Variants in ROR1 observed in about 807,000 individuals in gnomAD.
ROR1 encodes the protein inactive tyrosine-protein kinase transmembrane receptor ROR1.
In ROR1, 19 loss-of-function variants were observed where a neutral mutation model predicts 78.8. The ratio of observed to expected loss-of-function variants is 0.24; its 90% confidence interval spans 0.17 to 0.35. The LOEUF is 0.35. ROR1 is among the 10% of genes least tolerant of loss of function. The pLI, the probability that ROR1 is intolerant of heterozygous loss-of-function variation, is 1.00. For missense variants in ROR1, 917 were observed against 1,177.8 expected, an observed-to-expected ratio of 0.78 and a Z score of 3.24; for synonymous variants, 386 against 433.6, an observed-to-expected ratio of 0.89 and a Z score of 1.36.
intron 4 of ROR1, among the ~76,000 whole-genome samples, chr1:64,057,445 A>G (rs1097106): frequency 0.61 from 92,997 of 152,104 alleles, 32,124 homozygotes; most frequent in East Asian, 0.91. Flanking sequence ...AAAATTGTGT[A>G]TGTATACATA....
At chr1:64,072,314 G>A (rs1376672751) in intron 4 of ROR1, among the ~76,000 whole-genome samples, 3 of 152,160 alleles carry the variant, frequency 2.0e-5, no homozygotes, top group South Asian at 2.1e-4. Context: ...AAGAGCTGCT[G>A]TGTGTAAATG....
chr1:64,083,267 G>A (rs1647118876), intron 4 of ROR1, among the ~76,000 whole-genome samples: 1 of 152,166 alleles, frequency 6.6e-6, no homozygotes, highest in Non-Finnish European at 1.5e-5. Flanking sequence ...AGGAACAGGT[G>A]ATAATCAGCG....
rs1268572918 is a variant in ROR1, at chr1:63,890,888, G to A, written c.91+116380G>A. Reference sequence around the variant, plus strand: ...TCTACGGCCATACCACGCTGAACATGCCCGTTCTCATCCAAATGTTGTATC... The same window carrying A: ...TCTACGGCCATACCACGCTGAACATACCCGTTCTCATCCAAATGTTGTATC... On this transcript the variant is annotated intron_variant, in intron 1 of 8. Coordinates refer to ENST00000371079, the MANE Select transcript of ROR1 (RefSeq NM_005012.4). Among the ~76,000 whole-genome samples, 5 of 152,180 alleles carry A rather than the reference G, an allele frequency of 3.3e-5. No individual in the cohort carries two copies. The South Asian group carries it at 6.2e-4, about 19-fold the overall frequency.
At chr1:63,928,233 A>G (rs957992246) in intron 1 of ROR1, among the ~76,000 whole-genome samples, 4 of 152,150 alleles carry the variant, frequency 2.6e-5, no homozygotes, top group African/African-American at 9.7e-5. Flanking sequence ...GAAAGCTCCA[A>G]CTGCAATGAG....
intron 8 of ROR1, among the ~76,000 whole-genome samples, chr1:64,172,538 A>G (rs962303296): frequency 1.4e-4 from 22 of 152,208 alleles, no homozygotes; most frequent in Non-Finnish European, 2.8e-4. Flanking sequence ...AACCGAGGCC[A>G]TCTTGTCCTT....
intron 8 of ROR1, among the ~76,000 whole-genome samples, chr1:64,164,696 C>T (rs1176449405): frequency 6.6e-6 from 1 of 151,880 alleles, no homozygotes; most frequent in African/African-American, 2.4e-5. Flanking sequence ...ATTTGATCAC[C>T]CAGGTATTAA....
chr1:64,102,679 A>G (rs17265929), intron 4 of ROR1, among the ~76,000 whole-genome samples: 20,627 of 152,226 alleles, frequency 0.14, 1,589 homozygotes, highest in African/African-American at 0.19. Context: ...TCAAAGCCAG[A>G]CAAGTAGGGT....
chr1:63,843,731 CAAG>C, intron 1 of ROR1: 1 of 444,354 alleles, frequency 2.3e-6, no homozygotes, highest in Non-Finnish European at 4.4e-6. Context: ...CCGCAGAAGA[CAAG>C]AGCACTGCAG....
intron 4 of ROR1, among the ~76,000 whole-genome samples, chr1:64,057,788 C>T (rs1366666210): frequency 6.6e-6 from 1 of 152,116 alleles, no homozygotes; most frequent in South Asian, 2.1e-4. Flanking sequence ...CTATATTGTT[C>T]TTTTTCAAGA....
chr1:63,779,112 A>T (rs1021512555), intron 1 of ROR1, among the ~76,000 whole-genome samples: 1 of 152,176 alleles, frequency 6.6e-6, no homozygotes, highest in African/African-American at 2.4e-5. Context: ...ACCTTGTTGG[A>T]TGGCCTGGAT....
At chr1:64,043,846 T>C (rs948259221) in intron 2 of ROR1, among the ~76,000 whole-genome samples, 2 of 152,166 alleles carry the variant, frequency 1.3e-5, no homozygotes, top group African/African-American at 4.8e-5. Context: ...ATGTGGTCAG[T>C]TTTAGAGTCT....
At chr1:63,989,297 T>C (rs1418738361) in intron 1 of ROR1, among the ~76,000 whole-genome samples, 1 of 152,050 alleles carries the variant, frequency 6.6e-6, no homozygotes, top group Non-Finnish European at 1.5e-5. Flanking sequence ...GAGGGGTTTT[T>C]TTGGAAAATG....
At chr1:64,147,895 T>C (rs527459420) in intron 7 of ROR1, among the ~76,000 whole-genome samples, 1 of 152,136 alleles carries the variant, frequency 6.6e-6, no homozygotes, top group Non-Finnish European at 1.5e-5. Flanking sequence ...ATTTTGGTTA[T>C]CACAAGTGGG....
At position 64,179,196 on chromosome 1, in the gene ROR1, G is replaced by T. The variant is rs1650484831; in HGVS notation, c.*341G>T. The T allele has an allele frequency of 4.7e-6, 1 of 212,720 alleles. No individual in the cohort carries two copies. The highest frequency in any genetic ancestry group is 9.3e-6 in the Non-Finnish European group (1 of 106,976). The allele number at this position is 212,720 out of a possible 1,614,324, so 13.2% of individuals were successfully genotyped here. On this transcript the variant is annotated 3_prime_UTR_variant, in exon 9 of 9. Coordinates refer to ENST00000371079, the MANE Select transcript of ROR1 (RefSeq NM_005012.4). ...TTAAATATAAAACCAAAAGTCAAAT[G>T]GTGCTTTGTGTTTTAGCCTTCAGTC...
intron 1 of ROR1, among the ~76,000 whole-genome samples, chr1:63,854,408 G>A (rs1645135592): frequency 6.6e-6 from 1 of 152,152 alleles, no homozygotes; most frequent in Non-Finnish European, 1.5e-5. Flanking sequence ...TTCCATGGTA[G>A]GTAGACTTTT....
At chr1:64,026,941 T>C (rs1366376349) in intron 2 of ROR1, among the ~76,000 whole-genome samples, 3 of 152,170 alleles carry the variant, frequency 2.0e-5, no homozygotes, top group Non-Finnish European at 4.4e-5. Flanking sequence ...TGTAAATACT[T>C]TGAAAAGAAG....
At chr1:63,785,350 A>G (rs1263207318) in intron 1 of ROR1, among the ~76,000 whole-genome samples, 1 of 152,096 alleles carries the variant, frequency 6.6e-6, no homozygotes, top group African/African-American at 2.4e-5. Context: ...TAAAGAGGTA[A>G]TGCTTAACCC....
chr1:64,025,274 G>A (rs956855669), intron 2 of ROR1, among the ~76,000 whole-genome samples: 1 of 152,146 alleles, frequency 6.6e-6, no homozygotes, highest in Non-Finnish European at 1.5e-5. Context: ...GTCGTATAAT[G>A]TGAGCTCCTG....
At chr1:64,163,019 A>G (rs960679374) in intron 8 of ROR1, among the ~76,000 whole-genome samples, 1 of 152,038 alleles carries the variant, frequency 6.6e-6, no homozygotes, top group African/African-American at 2.4e-5. Flanking sequence ...CAAGAACAGG[A>G]TGGGTCCCAT....
Sources: allele counts gnomAD v4.1 joint callset (sites outside exome capture counted in the v4.1 genomes callset), GRCh38; gene constraint gnomAD v4.1.1; transcripts MANE v1.5; gene names NCBI Gene and HGNC (gene_info 2026-07-23, HGNC 2026-07-21).